Variants in SSH2 observed in about 807,000 individuals in gnomAD.
SSH2 encodes slingshot protein phosphatase 2, also known as protein phosphatase Slingshot homolog 2.
A neutral mutation model predicts 135.2 loss-of-function variants in SSH2; 37 were observed. The observed-to-expected ratio is 0.27, with a 90% CI of 0.21 to 0.36. The LOEUF is 0.36. Among genes scored for constraint, SSH2 ranks in the 10% least tolerant of loss-of-function variants. SSH2 has a pLI of 1.00. For synonymous variants in SSH2, 628 were observed against 646.2 expected, an observed-to-expected ratio of 0.97 and a Z score of 0.43; for missense variants, 1,408 against 1,765.3, an observed-to-expected ratio of 0.80 and a Z score of 3.63.
In SSH2 at chr17:29,631,586, T is replaced by C. The variant is rs370426419; in HGVS notation, c.3608A>G (p.Tyr1203Cys). 2.5e-5 allele frequency: 40 copies of C among 1,614,080 alleles called. No homozygotes were observed. The African/African-American group carries it at 2.8e-4, about 11-fold the overall frequency. ...SPLSSGSEVPYKDSQLSSADL... is the reference protein window; with the variant it reads ...SPLSSGSEVPCKDSQLSSADL... Reference sequence around the variant, plus strand: ...TGCGCTACTTAGCTGGGAGTCCTTATATGGCACCTCACTGCCACTGGAGAG... The same window carrying C: ...TGCGCTACTTAGCTGGGAGTCCTTACATGGCACCTCACTGCCACTGGAGAG... Residue 1203 changes from tyrosine (Y) to cysteine (C), a missense_variant, in exon 16 of 16, where the codon TAT becomes TGT. Transcript: ENST00000540801.
At chr17:29,901,070 A>AT (rs2066542518) in intron 1 of SSH2, among the ~76,000 whole-genome samples, 1 of 152,096 alleles carries the variant, frequency 6.6e-6, no homozygotes, top group Non-Finnish European at 1.5e-5. Context: ...ATAGGTGGGA[A>AT]TTGAACAATG....
rs796445760 is a variant in SSH2, at chr17:29,694,091, AT to A, written c.357+1367del. Among the ~76,000 whole-genome samples the A allele has an allele frequency of 6.9e-3, 1,032 of 150,488 alleles. 7 individuals are homozygous for A. Among genetic ancestry groups the A allele is most frequent in the African/African-American group, 0.023 (964 of 41,058 alleles). ...TCTGAAAACATTATGAGATATTGTG[AT>A]TTTTTTTTTAAGCTCATCAGCTATC... On this transcript the variant is annotated intron_variant, in intron 5 of 15. Coordinates refer to ENST00000540801, the MANE Select transcript of SSH2 (RefSeq NM_001282129.2).
At chr17:29,923,509 T>C (rs566197817) in intron 1 of SSH2, among the ~76,000 whole-genome samples, 3 of 151,650 alleles carry the variant, frequency 2.0e-5, no homozygotes, top group Non-Finnish European at 4.4e-5. Flanking sequence ...GTCCCAGCTT[T>C]TTGGTGGGGC....
intron 1 of SSH2, among the ~76,000 whole-genome samples, chr17:29,885,881 T>C (rs1567631035): frequency 6.6e-6 from 1 of 152,172 alleles, no homozygotes; most frequent in Non-Finnish European, 1.5e-5. Context: ...TCCACCATGA[T>C]TGTGAGGCCT....
At chr17:29,650,487 G>C (rs2036543251) in intron 13 of SSH2, among the ~76,000 whole-genome samples, 167 bp downstream of exon 13, 1 of 152,142 alleles carries the variant, frequency 6.6e-6, no homozygotes, top group South Asian at 2.1e-4. Context: ...TACTTAAAGT[G>C]AGTCACTAGT....
chr17:29,790,365 A>C (rs1256851894), intron 3 of SSH2, among the ~76,000 whole-genome samples: 1 of 152,158 alleles, frequency 6.6e-6, no homozygotes, highest in Non-Finnish European at 1.5e-5. Flanking sequence ...GGCTGTCTGC[A>C]AGCCCGGAAG....
chr17:29,824,415 G>A (rs536844653), intron 2 of SSH2, among the ~76,000 whole-genome samples: 2 of 152,196 alleles, frequency 1.3e-5, no homozygotes, highest in African/African-American at 4.8e-5. Flanking sequence ...GAGAAAAACA[G>A]ACCCTCCCCT....
chr17:29,832,291 C>T (rs1020084913), intron 2 of SSH2, among the ~76,000 whole-genome samples: 3 of 152,124 alleles, frequency 2.0e-5, no homozygotes, highest in Admixed American at 1.3e-4. Context: ...TCACCATACC[C>T]AGCTAATTTT....
At chr17:29,720,731 A>T (rs2039794987) in intron 3 of SSH2, among the ~76,000 whole-genome samples, 1 of 152,350 alleles carries the variant, frequency 6.6e-6, no homozygotes, top group Middle Eastern at 3.4e-3. Flanking sequence ...TTTGTTAAAA[A>T]AAAAAAATTA....
chr17:29,848,771 T>A (rs1256665612), intron 2 of SSH2, 78 bp downstream of exon 2: 1 of 908,642 alleles, frequency 1.1e-6, no homozygotes, highest in East Asian at 2.7e-5. Context: ...CTATATCAGT[T>A]GCATTTAATA....
At chr17:29,910,831 A>C (rs1319576290) in intron 1 of SSH2, among the ~76,000 whole-genome samples, 1 of 152,278 alleles carries the variant, frequency 6.6e-6, no homozygotes, top group Admixed American at 6.5e-5. Flanking sequence ...CAAACTGAAA[A>C]AAAATAAAAT....
chr17:29,684,629 GA>G lies in SSH2; in HGVS notation c.412del (p.Ser138GlnfsTer14), dbSNP rs1238157226. ...TTCAGTGTCTTGTCTACCATTAGTT[GA>G]AACCACTACCATATAGCGTGTTCGA... ...QNRTRYMVVVSTNGRQDTEES... is the reference protein window; with the variant it reads ...QNRTRYMVVVXTNGRQDTEES... On this transcript the variant is annotated frameshift_variant, in exon 6 of 16. Transcript: ENST00000540801. LOFTEE classifies it high-confidence loss of function. The G allele has an allele frequency of 6.2e-7, 1 of 1,612,514 alleles. No individual in the cohort carries two copies.
intron 1 of SSH2, among the ~76,000 whole-genome samples, chr17:29,909,181 G>A (rs2066719684): frequency 6.6e-6 from 1 of 152,118 alleles, no homozygotes; most frequent in African/African-American, 2.4e-5. Context: ...GTTTTAACAT[G>A]ACTTCTCTTA....
At chr17:29,717,268 T>C (rs993958937) in intron 3 of SSH2, among the ~76,000 whole-genome samples, 1 of 152,198 alleles carries the variant, frequency 6.6e-6, no homozygotes, top group African/African-American at 2.4e-5. Context: ...CTTGAATAGC[T>C]GGGACTCCAG....
chr17:29,895,239 T>TAC (rs984074063), intron 1 of SSH2, among the ~76,000 whole-genome samples: 17 of 140,556 alleles, frequency 1.2e-4, no homozygotes, highest in African/African-American at 4.4e-4. Flanking sequence ...ATTTTATATA[T>TAC]ACATTATATA....
Position 29,895,022 on chromosome 17 carries a change from C to T in SSH2, c.63+34916G>A, listed in dbSNP as rs1196434743. 4.0e-5 allele frequency among the ~76,000 whole-genome samples: 6 copies of T among 151,448 alleles called. No homozygotes were observed. In the South Asian group the frequency reaches 8.3e-4, roughly 21 times the overall value. ...TTGAGTCTCATCTCCCATCATGCCC[C>T]TTCTCTGACATAGACTCTCCACTCC... On this transcript the variant is annotated intron_variant, in intron 1 of 15. Coordinates refer to ENST00000540801, the MANE Select transcript of SSH2 (RefSeq NM_001282129.2).
At position 29,631,045 on chromosome 17, in the gene SSH2, A is replaced by G; in HGVS notation, c.4149T>C (p.Tyr1383=). 1 of 1,614,164 alleles carries G rather than the reference A, an allele frequency of 6.2e-7. No homozygotes were observed. Among genetic ancestry groups the G allele is most frequent in the Non-Finnish European group, 8.5e-7 (1 of 1,180,030 alleles). The change falls in exon 16 of 16, where the codon TAT becomes TAC. Residue 1383 remains tyrosine (Y), a synonymous_variant. Transcript: ENST00000540801. ...YAKEFGSSQQ[Y]LLPRAGLELT... is the part of the protein sequence containing the mutation. Reference sequence around the variant, plus strand: ...ATTCAAGTCCTGCCCTGGGGAGCAAATACTGCTGACTAGAACCAAATTCTT... The same window carrying G: ...ATTCAAGTCCTGCCCTGGGGAGCAAGTACTGCTGACTAGAACCAAATTCTT...
At chr17:29,761,779 C>T (rs1161151341) in intron 3 of SSH2, among the ~76,000 whole-genome samples, 1 of 151,684 alleles carries the variant, frequency 6.6e-6, no homozygotes, top group Non-Finnish European at 1.5e-5. Flanking sequence ...TTCACAAGTG[C>T]AACAAATATT....
intron 2 of SSH2, among the ~76,000 whole-genome samples, chr17:29,830,673 T>A (rs2042829332): frequency 6.6e-6 from 1 of 152,128 alleles, no homozygotes; most frequent in African/African-American, 2.4e-5. Context: ...GTTAAAAGAA[T>A]AAATGAGTGA....
Sources: gnomAD v4.1 joint callset for allele counts (sites outside exome capture counted in the v4.1 genomes callset) on GRCh38, gnomAD v4.1.1 for gene constraint, MANE v1.5 for transcripts, NCBI Gene and HGNC (gene_info 2026-07-23, HGNC 2026-07-21) for gene names.